Variants in CNTNAP2 observed in about 807,000 individuals in gnomAD.
CNTNAP2 encodes the protein contactin-associated protein-like 2.
In CNTNAP2, 98 loss-of-function variants were observed where a neutral mutation model predicts 155.2. The ratio of observed to expected loss-of-function variants is 0.63; its 90% CI spans 0.54 to 0.75. CNTNAP2 has a LOEUF of 0.75. Ranked by LOEUF, CNTNAP2 falls within the 30% of genes least tolerant of loss-of-function variation. The pLI is 0.00. For synonymous variants in CNTNAP2, 651 were observed against 631.2 expected (o/e 1.03, Z -0.47); for missense variants, 1,727 against 1,688.1 (o/e 1.02, Z -0.40).
At chr7:147,538,610 A>C (rs191973603) in intron 11 of CNTNAP2, among the ~76,000 whole-genome samples, 2 of 152,230 alleles carry the variant, frequency 1.3e-5, no homozygotes, top group East Asian at 3.9e-4. Flanking sequence ...TGATCATGCC[A>C]CTGTACTCCA....
At chr7:148,109,825 T>A (rs937875762) in intron 15 of CNTNAP2, among the ~76,000 whole-genome samples, 1 of 151,366 alleles carries the variant, frequency 6.6e-6, no homozygotes, top group Non-Finnish European at 1.5e-5. Flanking sequence ...TCACTTCTTT[T>A]AATTTATAAC....
At chr7:147,903,517 G>A in intron 13 of CNTNAP2, 48 bp from the exon 14 acceptor site, 1 of 1,607,488 alleles carries the variant, frequency 6.2e-7, no homozygotes, top group South Asian at 1.1e-5. Flanking sequence ...GCAGTCTAAT[G>A]ACTGAACCCA....
chr7:146,736,521 T>C (rs535333371), intron 1 of CNTNAP2, among the ~76,000 whole-genome samples: 16 of 152,274 alleles, frequency 1.1e-4, no homozygotes, highest in African/African-American at 3.6e-4. Context: ...CTGTTGTTAT[T>C]TACCTATCTT....
At chr7:146,597,802 A>T (rs1235109078) in intron 1 of CNTNAP2, among the ~76,000 whole-genome samples, 1 of 152,136 alleles carries the variant, frequency 6.6e-6, no homozygotes, top group African/African-American at 2.4e-5. Flanking sequence ...GGTACAATAA[A>T]ATAATAAACA....
At chr7:146,718,472 C>T (rs572617091) in intron 1 of CNTNAP2, among the ~76,000 whole-genome samples, 1 of 152,102 alleles carries the variant, frequency 6.6e-6, no homozygotes, top group East Asian at 1.9e-4. Flanking sequence ...GGGAAAATGG[C>T]ATTCTGTGAC....
At chr7:146,404,629 A>G (rs2129109315) in intron 1 of CNTNAP2, among the ~76,000 whole-genome samples, 1 of 152,248 alleles carries the variant, frequency 6.6e-6, no homozygotes, top group African/African-American at 2.4e-5. Flanking sequence ...ACCATTCTGG[A>G]GTAACTACAA....
At chr7:147,858,023 G>C (rs1455914357) in intron 13 of CNTNAP2, among the ~76,000 whole-genome samples, 2 of 152,180 alleles carry the variant, frequency 1.3e-5, no homozygotes, top group African/African-American at 4.8e-5. Flanking sequence ...TCAGACCCAA[G>C]TATGTTGAAC....
At chr7:147,138,637 T>G (rs1408597383) in intron 8 of CNTNAP2, among the ~76,000 whole-genome samples, 1 of 151,750 alleles carries the variant, frequency 6.6e-6, no homozygotes, top group East Asian at 1.9e-4. Flanking sequence ...TAGTGCAGAA[T>G]GAAAGGAAAA....
intron 21 of CNTNAP2, among the ~76,000 whole-genome samples, chr7:148,338,747 A>C (rs534580101): frequency 6.6e-6 from 1 of 152,314 alleles, no homozygotes; most frequent in African/African-American, 2.4e-5. Flanking sequence ...AGCATGCCAG[A>C]ATATTAAGAT....
At chr7:146,197,258 A>G (rs111626274) in intron 1 of CNTNAP2, among the ~76,000 whole-genome samples, 5 of 152,330 alleles carry the variant, frequency 3.3e-5, no homozygotes, top group African/African-American at 1.2e-4. Flanking sequence ...TAATATCACA[A>G]AAGACAAAAC....
rs144526344 is a variant in CNTNAP2 at position 147,542,186 on chromosome 7, T to C, written c.1778-19952T>C. Reference sequence around the variant, plus strand: ...TCTAATTAACTAAACTCTCCACTTATCATGTAAGTGCCTCCTCACCTACCA... The same window carrying C: ...TCTAATTAACTAAACTCTCCACTTACCATGTAAGTGCCTCCTCACCTACCA... On this transcript the variant is annotated intron_variant, in intron 11 of 23. Transcript: ENST00000361727. Among the ~76,000 whole-genome samples, 367 of 152,256 alleles carry C rather than the reference T, an allele frequency of 2.4e-3. 3 individuals carry two copies. Among genetic ancestry groups the C allele is most frequent in the African/African-American group, 8.4e-3 (348 of 41,538 alleles).
intron 15 of CNTNAP2, among the ~76,000 whole-genome samples, chr7:148,063,544 T>A (rs2116516833): frequency 6.6e-6 from 1 of 151,838 alleles, no homozygotes; most frequent in Admixed American, 6.5e-5. Context: ...CTGTAGTGTC[T>A]AATCTGCTGT....
intron 3 of CNTNAP2, among the ~76,000 whole-genome samples, chr7:146,951,215 T>C (rs1244789924): frequency 6.6e-6 from 1 of 152,224 alleles, no homozygotes; most frequent in Non-Finnish European, 1.5e-5. Flanking sequence ...GATGGATAGA[T>C]TGCAGAATTT....
intron 8 of CNTNAP2, among the ~76,000 whole-genome samples, chr7:147,234,332 TTC>T (rs1563127317): frequency 2.1e-5 from 2 of 96,812 alleles, no homozygotes; most frequent in Non-Finnish European, 3.9e-5. Flanking sequence ...CCCAAGAGTA[TTC>T]TTTTTTTTTT....
chr7:147,429,636 G>A (rs1797434912), intron 10 of CNTNAP2, among the ~76,000 whole-genome samples: 1 of 151,994 alleles, frequency 6.6e-6, no homozygotes, highest in Non-Finnish European at 1.5e-5. Context: ...TGATCTTTTT[G>A]CCTAAGCTAT....
intron 3 of CNTNAP2, among the ~76,000 whole-genome samples, chr7:146,958,004 T>A (rs1797471037): frequency 6.6e-6 from 1 of 152,174 alleles, no homozygotes; most frequent in Non-Finnish European, 1.5e-5. Flanking sequence ...ACCATTAGAA[T>A]CTAGCCAGAA....
intron 9 of CNTNAP2, among the ~76,000 whole-genome samples, chr7:147,309,665 T>A (rs989950471): frequency 2.0e-5 from 3 of 152,158 alleles, no homozygotes; most frequent in African/African-American, 7.2e-5. Context: ...AAACAACTCC[T>A]TGTCCTTGAA....
chr7:146,951,212 A>G (rs2129227903), intron 3 of CNTNAP2, among the ~76,000 whole-genome samples: 1 of 152,274 alleles, frequency 6.6e-6, no homozygotes, highest in East Asian at 1.9e-4. Flanking sequence ...TCAGATGGAT[A>G]GATTGCAGAA....
chr7:147,607,671 T>A (rs905663067), intron 12 of CNTNAP2, among the ~76,000 whole-genome samples: 1 of 152,186 alleles, frequency 6.6e-6, no homozygotes, highest in Non-Finnish European at 1.5e-5. Flanking sequence ...CTTAGGTGAC[T>A]TTAGCCTGTT....
Sources: gnomAD v4.1 joint callset for allele counts (sites outside exome capture counted in the v4.1 genomes callset) on GRCh38, gnomAD v4.1.1 for gene constraint, MANE v1.5 for transcripts, NCBI Gene and HGNC (gene_info 2026-07-23, HGNC 2026-07-21) for gene names.